Variants in CDKAL1 observed in about 807,000 individuals in gnomAD.
The protein encoded by CDKAL1 is threonylcarbamoyladenosine tRNA methylthiotransferase.
CDKAL1 carries 32 observed loss-of-function variants against 68.2 expected under a neutral mutation model. The observed-to-expected ratio is 0.47, with a 90% CI of 0.35 to 0.63. The LOEUF is 0.63. Ranked by LOEUF, CDKAL1 falls within the 30% of genes least tolerant of loss-of-function variation. CDKAL1 has a pLI of 0.00. For missense variants in CDKAL1, 606 were observed against 696.7 expected, an observed-to-expected ratio of 0.87 and a Z score of 1.47; for synonymous variants, 234 against 244.3, an observed-to-expected ratio of 0.96 and a Z score of 0.39.
chr6:20,938,921 C>T (rs1763850577), intron 9 of CDKAL1, among the ~76,000 whole-genome samples: 2 of 152,172 alleles, frequency 1.3e-5, no homozygotes, highest in South Asian at 4.1e-4. Flanking sequence ...CTGAGAACTG[C>T]ACCTGTAGGC....
intron 13 of CDKAL1, among the ~76,000 whole-genome samples, chr6:21,114,945 A>G (rs188581911): frequency 2.6e-5 from 4 of 152,172 alleles, no homozygotes; most frequent in African/African-American, 9.7e-5. Context: ...CAGGGAATTC[A>G]TATCTACTAG....
intron 13 of CDKAL1, among the ~76,000 whole-genome samples, chr6:21,192,713 T>TTTTA (rs1359962541): frequency 6.6e-6 from 1 of 152,162 alleles, no homozygotes; most frequent in Non-Finnish European, 1.5e-5. Context: ...ATAAACATCA[T>TTTTA]TTTATTTAAC....
chr6:20,905,568 A>G (rs1454135030), intron 9 of CDKAL1, among the ~76,000 whole-genome samples: 1 of 152,208 alleles, frequency 6.6e-6, no homozygotes, highest in Non-Finnish European at 1.5e-5. Context: ...GATGAAAGAC[A>G]TGAATGTAAA....
intron 10 of CDKAL1, among the ~76,000 whole-genome samples, chr6:20,976,740 T>G (rs1561930268): frequency 6.6e-6 from 1 of 152,220 alleles, no homozygotes; most frequent in Non-Finnish European, 1.5e-5. Flanking sequence ...TCGAATTTCA[T>G]GTAAATGGAT....
rs78393203 is a variant in CDKAL1 at position 21,080,589 on chromosome 6, C to G, written c.1236+15361C>G. Among the ~76,000 whole-genome samples, 251 of 152,284 alleles carry G rather than the reference C, an allele frequency of 1.6e-3. 4 individuals carry two copies. In the East Asian group the frequency reaches 0.046, roughly 28 times the overall value. On this transcript the variant is annotated intron_variant, in intron 12 of 15. Coordinates refer to ENST00000274695, the MANE Select transcript of CDKAL1 (RefSeq NM_017774.3). Reference sequence around the variant, plus strand: ...TCCTTTCAGGATCCCAACCTTTTCCCTCTGTACTATCACTGTTCCCCCTAA... The same window carrying G: ...TCCTTTCAGGATCCCAACCTTTTCCGTCTGTACTATCACTGTTCCCCCTAA...
chr6:20,554,685 A>C (rs1263798580), intron 4 of CDKAL1, among the ~76,000 whole-genome samples: 1 of 152,198 alleles, frequency 6.6e-6, no homozygotes, highest in Non-Finnish European at 1.5e-5. Flanking sequence ...TTTGTTAAGG[A>C]ATTCGTAACC....
intron 12 of CDKAL1, among the ~76,000 whole-genome samples, chr6:21,093,622 T>C (rs2150973290): frequency 6.6e-6 from 1 of 151,554 alleles, no homozygotes; most frequent in Non-Finnish European, 1.5e-5. Flanking sequence ...CGAGGTGATT[T>C]AGATAAGTGG....
rs145065020 is a variant in CDKAL1, at chr6:20,706,154, A to G, written c.372-33365A>G. Among the ~76,000 whole-genome samples the G allele has an allele frequency of 3.3e-3, 507 of 152,280 alleles. 6 individuals are homozygous for G. Among genetic ancestry groups the G allele is most frequent in the African/African-American group, 0.011 (469 of 41,552 alleles). ...AGACTGGGACAGGCAGGCCCTCTCT[A>G]TGGAAAGCCCTATGGTGCTACCCAT... is the stretch of plus-strand genomic sequence containing the variant. On this transcript the variant is annotated intron_variant, in intron 5 of 15. Transcript: ENST00000274695.
chr6:21,173,185 G>A (rs1336221486), intron 13 of CDKAL1, among the ~76,000 whole-genome samples: 1 of 151,564 alleles, frequency 6.6e-6, no homozygotes, highest in Non-Finnish European at 1.5e-5. Context: ...ATGAGTAATT[G>A]TGCCTATTTT....
intron 14 of CDKAL1, among the ~76,000 whole-genome samples, chr6:21,200,142 C>T (rs778523124): frequency 9.9e-5 from 15 of 152,200 alleles, no homozygotes; most frequent in Non-Finnish European, 1.5e-4. Flanking sequence ...CAAGTCGCTG[C>T]AGTGCTAAAA....
intron 8 of CDKAL1, among the ~76,000 whole-genome samples, chr6:20,832,926 T>C (rs1777777174): frequency 6.6e-6 from 1 of 152,214 alleles, no homozygotes; most frequent in Non-Finnish European, 1.5e-5. Context: ...GAGGATTAAA[T>C]GGTCCTGAGT....
intron 11 of CDKAL1, among the ~76,000 whole-genome samples, chr6:21,046,050 C>T (rs1770210408): frequency 2.0e-5 from 3 of 152,168 alleles, no homozygotes; most frequent in Non-Finnish European, 2.9e-5. Context: ...GCTTACATGA[C>T]CTTTCTCTGT....
chr6:21,190,893 AATTG>A (rs1778210562), intron 13 of CDKAL1, among the ~76,000 whole-genome samples: 1 of 152,234 alleles, frequency 6.6e-6, no homozygotes, highest in Non-Finnish European at 1.5e-5. Context: ...TCAGAATAGA[AATTG>A]ATTGACATTA....
At chr6:20,732,150 C>G (rs1772963303) in intron 5 of CDKAL1, among the ~76,000 whole-genome samples, 1 of 151,868 alleles carries the variant, frequency 6.6e-6, no homozygotes. Flanking sequence ...GGCTCAAACT[C>G]TCCTTGCACC....
intron 5 of CDKAL1, among the ~76,000 whole-genome samples, chr6:20,726,007 C>T (rs1772635673): frequency 6.6e-6 from 1 of 151,824 alleles, no homozygotes; most frequent in Non-Finnish European, 1.5e-5. Context: ...AAATATTTTA[C>T]CCTAAAATAC....
intron 11 of CDKAL1, among the ~76,000 whole-genome samples, chr6:21,013,784 T>G (rs2494729): frequency 0.09 from 13,774 of 152,254 alleles, 811 homozygotes; most frequent in Middle Eastern, 0.16. Flanking sequence ...ACTTTTAGAT[T>G]CTGTCACATA....
chr6:20,829,232 T>C (rs1471931563), intron 8 of CDKAL1, among the ~76,000 whole-genome samples: 1 of 152,230 alleles, frequency 6.6e-6, no homozygotes, highest in East Asian at 1.9e-4. Flanking sequence ...GATGGCTAGA[T>C]CATATGGTAA....
chr6:20,786,719 G>C (rs1047555314), intron 8 of CDKAL1, among the ~76,000 whole-genome samples: 22 of 151,858 alleles, frequency 1.4e-4, no homozygotes, highest in African/African-American at 5.3e-4. Context: ...GGATGGTCTC[G>C]ATCTCCTGAC....
At chr6:20,740,238 T>A (rs916311531) in intron 6 of CDKAL1, among the ~76,000 whole-genome samples, 1 of 152,216 alleles carries the variant, frequency 6.6e-6, no homozygotes, top group Non-Finnish European at 1.5e-5. Context: ...TTTCCTGTGA[T>A]ACCTGGCACA....
Sources: gnomAD v4.1 joint callset for allele counts (sites outside exome capture counted in the v4.1 genomes callset) on GRCh38, gnomAD v4.1.1 for gene constraint, MANE v1.5 for transcripts, NCBI Gene and HGNC (gene_info 2026-07-23, HGNC 2026-07-21) for gene names.